Variants in PTPRM observed in about 807,000 individuals in gnomAD.
The protein encoded by PTPRM is protein tyrosine phosphatase receptor type M.
Under a neutral mutation model 186.7 loss-of-function variants are expected in PTPRM, and 47 were observed. That is an observed-to-expected ratio of 0.25 (90% CI 0.20 to 0.32). The LOEUF is 0.32. Ranked by LOEUF, PTPRM falls within the 10% of genes least tolerant of loss-of-function variation. PTPRM has a pLI of 1.00. For synonymous variants in PTPRM, 668 were observed against 674.9 expected, an observed-to-expected ratio of 0.99 and a Z score of 0.16; for missense variants, 1,494 against 1,865.0, an observed-to-expected ratio of 0.80 and a Z score of 3.66.
chr18:7,679,526 A>G (rs1412236579), intron 1 of PTPRM, among the ~76,000 whole-genome samples: 3 of 152,058 alleles, frequency 2.0e-5, no homozygotes, highest in Non-Finnish European at 4.4e-5. Context: ...TTAGCTGGCT[A>G]TGGTGGCATG....
At chr18:7,631,415 C>T (rs1013751389) in intron 1 of PTPRM, among the ~76,000 whole-genome samples, 1 of 149,456 alleles carries the variant, frequency 6.7e-6, no homozygotes, top group Non-Finnish European at 1.5e-5. Flanking sequence ...ATTAACTTTG[C>T]TGTAATAACA....
chr18:8,400,275 G>C (rs2095865139), intron 32 of PTPRM, among the ~76,000 whole-genome samples: 1 of 152,242 alleles, frequency 6.6e-6, no homozygotes, highest in East Asian at 1.9e-4. Flanking sequence ...CCTGGAGACT[G>C]ATTCGATTGG....
chr18:7,988,189 T>C lies in PTPRM; in HGVS notation c.1132+32775T>C, dbSNP rs557496303. On this transcript the variant is annotated intron_variant, in intron 7 of 32. Coordinates refer to ENST00000580170, the MANE Select transcript of PTPRM (RefSeq NM_001105244.2). The stretch of plus-strand genomic sequence containing the variant: ...GACAGACCTAGGGGATCTGTTATCA[T>C]GTTCATTTCAAATTCTGAGCTAGAC... Among the ~76,000 whole-genome samples the C allele has an allele frequency of 1.4e-3, 215 of 151,980 alleles. 2 individuals carry two copies. Among genetic ancestry groups the C allele is most frequent in the Non-Finnish European group, 2.3e-3 (159 of 67,966 alleles).
intron 7 of PTPRM, among the ~76,000 whole-genome samples, chr18:8,007,336 C>T (rs1214860448): frequency 6.6e-6 from 1 of 151,894 alleles, no homozygotes; most frequent in Non-Finnish European, 1.5e-5. Context: ...TTCCTTTTTG[C>T]AGGCAGGTAA....
chr18:7,639,678 C>T (rs560902340), intron 1 of PTPRM, among the ~76,000 whole-genome samples: 17 of 152,336 alleles, frequency 1.1e-4, no homozygotes, highest in Admixed American at 3.3e-4. Context: ...AGGCTTGAGC[C>T]ACCGCTCTCG....
At chr18:8,035,582 T>C (rs1008422090) in intron 7 of PTPRM, among the ~76,000 whole-genome samples, 3 of 152,114 alleles carry the variant, frequency 2.0e-5, no homozygotes, top group East Asian at 3.9e-4. Flanking sequence ...ATTGTTTTTT[T>C]CCCCCAATAT....
intron 14 of PTPRM, among the ~76,000 whole-genome samples, chr18:8,191,712 G>A (rs1229881301): frequency 6.6e-6 from 1 of 152,120 alleles, no homozygotes; most frequent in African/African-American, 2.4e-5. Context: ...CAGGGGAATG[G>A]GGAGGAGGGA....
At chr18:8,074,928 CT>C (rs2089714102) in intron 8 of PTPRM, among the ~76,000 whole-genome samples, 1 of 152,060 alleles carries the variant, frequency 6.6e-6, no homozygotes, top group African/African-American at 2.4e-5. Context: ...TCTTTCATTG[CT>C]TTTGCTTTTG....
At chr18:7,763,983 T>C (rs556771209) in intron 1 of PTPRM, among the ~76,000 whole-genome samples, 319 of 152,044 alleles carry the variant, frequency 2.1e-3, no homozygotes, top group African/African-American at 7.4e-3. Flanking sequence ...CCTGGGTATC[T>C]CTAACCAGTA....
intron 7 of PTPRM, among the ~76,000 whole-genome samples, chr18:8,039,314 A>G (rs1233206263): frequency 1.3e-5 from 2 of 152,230 alleles, no homozygotes; most frequent in Middle Eastern, 3.4e-3. Context: ...TTGTTTTTTA[A>G]TAAAAATTAA....
At chr18:7,632,140 G>A (rs1439440388) in intron 1 of PTPRM, among the ~76,000 whole-genome samples, 1 of 152,194 alleles carries the variant, frequency 6.6e-6, no homozygotes, top group African/African-American at 2.4e-5. Flanking sequence ...TTGATCGGAT[G>A]ATGTCAGAGG....
At chr18:8,405,303 G>A (rs180903643) in intron 32 of PTPRM, 1 of 152,528 alleles carries the variant, frequency 6.6e-6, no homozygotes, top group African/African-American at 2.4e-5. Context: ...TGGAATGCCT[G>A]TTTTAATTAA....
At chr18:8,186,341 A>G (rs2093641998) in intron 14 of PTPRM, among the ~76,000 whole-genome samples, 1 of 151,984 alleles carries the variant, frequency 6.6e-6, no homozygotes, top group Non-Finnish European at 1.5e-5. Context: ...AAAAAAAAAA[A>G]AAAAGAATGA....
At chr18:7,912,138 C>T (rs1388740429) in intron 4 of PTPRM, among the ~76,000 whole-genome samples, 1 of 152,144 alleles carries the variant, frequency 6.6e-6, no homozygotes, top group Non-Finnish European at 1.5e-5. Flanking sequence ...AGGCATAAGC[C>T]ACTGTGCCCG....
intron 14 of PTPRM, among the ~76,000 whole-genome samples, chr18:8,221,065 T>C (rs2094147697): frequency 6.6e-6 from 1 of 151,472 alleles, no homozygotes; most frequent in Admixed American, 6.6e-5. Context: ...TTGAAGTCTC[T>C]TTTTTTTTCT....
intron 14 of PTPRM, among the ~76,000 whole-genome samples, chr18:8,150,940 C>T (rs116755432): frequency 1.3e-5 from 2 of 152,234 alleles, no homozygotes; most frequent in South Asian, 2.1e-4. Context: ...CCTTGTTTGC[C>T]TGGGTATCAC....
chr18:7,660,786 A>G (rs1229880285), intron 1 of PTPRM, among the ~76,000 whole-genome samples: 1 of 152,120 alleles, frequency 6.6e-6, no homozygotes, highest in Non-Finnish European at 1.5e-5. Context: ...ACACCTACAC[A>G]TGATGAAACC....
At chr18:8,208,231 A>C (rs1056262912) in intron 14 of PTPRM, among the ~76,000 whole-genome samples, 1 of 152,228 alleles carries the variant, frequency 6.6e-6, no homozygotes, top group Admixed American at 6.5e-5. Flanking sequence ...TAAATCCCAC[A>C]GTAAACACCC....
chr18:8,007,227 C>T (rs2084243622), intron 7 of PTPRM, among the ~76,000 whole-genome samples: 1 of 152,092 alleles, frequency 6.6e-6, no homozygotes, highest in Non-Finnish European at 1.5e-5. Context: ...AGATAAATAC[C>T]ACCTTTAGTT....
Sources: allele counts gnomAD v4.1 joint callset (sites outside exome capture counted in the v4.1 genomes callset), GRCh38; gene constraint gnomAD v4.1.1; transcripts MANE v1.5; gene names NCBI Gene and HGNC (gene_info 2026-07-23, HGNC 2026-07-21).